The following NCKAP5 variants were observed in gnomAD, a reference collection of about 807,000 sequenced individuals.
NCKAP5 encodes nck-associated protein 5.
NCKAP5 carries 92 observed loss-of-function variants against 167.0 expected under a neutral mutation model. The observed-to-expected ratio is 0.55, with a 90% confidence interval of 0.47 to 0.66. The LOEUF is 0.66. NCKAP5 is among the 30% of genes least tolerant of loss of function. NCKAP5 has a pLI of 0.00. For missense variants in NCKAP5, 2,378 were observed against 2,315.0 expected (o/e 1.03, Z -0.56); for synonymous variants, 891 against 877.4 (o/e 1.02, Z -0.27).
chr2:133,347,777 C>A (rs1684077543), intron 3 of NCKAP5, among the ~76,000 whole-genome samples: 1 of 152,108 alleles, frequency 6.6e-6, no homozygotes. Flanking sequence ...TAGCAAGTGC[C>A]TTTCCCTGAA....
intron 7 of NCKAP5, among the ~76,000 whole-genome samples, chr2:132,979,730 A>G (rs1415770565): frequency 6.6e-6 from 1 of 152,190 alleles, no homozygotes; most frequent in Non-Finnish European, 1.5e-5. Context: ...CTCATCAGAG[A>G]ACCCACAGAC....
At chr2:132,847,112 A>C (rs1038745269) in intron 11 of NCKAP5, among the ~76,000 whole-genome samples, 1 of 152,232 alleles carries the variant, frequency 6.6e-6, no homozygotes, top group Admixed American at 6.5e-5. Flanking sequence ...AGTACATACA[A>C]AGTGGCTAAA....
At chr2:132,853,182 G>A (rs547634671) in intron 11 of NCKAP5, among the ~76,000 whole-genome samples, 1 of 152,320 alleles carries the variant, frequency 6.6e-6, no homozygotes, top group African/African-American at 2.4e-5. Flanking sequence ...CTGGTCCATG[G>A]TTGCCTTATT....
intron 12 of NCKAP5, among the ~76,000 whole-genome samples, chr2:132,795,825 AAAAAAAAAAAAAAC>A: frequency 1.0e-5 from 1 of 99,400 alleles, no homozygotes; most frequent in South Asian, 3.3e-4. Flanking sequence ...TATCAGAAAA[AAAAAAAAAAAAAAC>A]AAAAAAAACA....
intron 7 of NCKAP5, among the ~76,000 whole-genome samples, chr2:132,969,135 A>T (rs13428649): frequency 0.28 from 42,264 of 151,928 alleles, 7,928 homozygotes; most frequent in East Asian, 0.51. Context: ...CCTCCTGGGT[A>T]CAGGCGATTC....
chr2:133,243,812 T>G (rs1174672431), intron 4 of NCKAP5, among the ~76,000 whole-genome samples: 1 of 152,202 alleles, frequency 6.6e-6, no homozygotes, highest in Non-Finnish European at 1.5e-5. Flanking sequence ...TTTGCTTCTT[T>G]CTCTTTCCCT....
At position 133,115,781 on chromosome 2, in the gene NCKAP5, A is replaced by G. The variant is rs1397962719; in HGVS notation, c.341+14197T>C. Among the ~76,000 whole-genome samples, 202 of 62,614 alleles carry G rather than the reference A, an allele frequency of 3.2e-3. No homozygotes were observed. In the East Asian group the frequency reaches 0.037, roughly 11 times the overall value. The allele number at this position is 62,614 out of a possible 152,430, so 41.1% of individuals were successfully genotyped here. A position where few individuals can be genotyped will look rare whatever the true frequency, so the allele number is the denominator to read the frequency against. ...GAAGTATATATGTGTGTGTGTATATATATATATATATATATATATATATAT... is the reference window on the plus strand; with the variant it reads ...GAAGTATATATGTGTGTGTGTATATGTATATATATATATATATATATATAT... On this transcript the variant is annotated intron_variant, in intron 6 of 19. Coordinates refer to ENST00000409261, the MANE Select transcript of NCKAP5 (RefSeq NM_207363.3).
At chr2:133,494,010 G>A (rs1207496174) in intron 3 of NCKAP5, among the ~76,000 whole-genome samples, 1 of 152,044 alleles carries the variant, frequency 6.6e-6, no homozygotes, top group East Asian at 1.9e-4. Context: ...CATCAGGAAA[G>A]TTTGGGTTTG....
chr2:132,681,390 A>G (rs757411404), intron 19 of NCKAP5, among the ~76,000 whole-genome samples: 6 of 151,660 alleles, frequency 4.0e-5, no homozygotes, highest in Non-Finnish European at 8.8e-5. Context: ...TATGTCTTAA[A>G]TATGTCTTAA....
chr2:133,459,863 T>C (rs1467304964), intron 3 of NCKAP5, among the ~76,000 whole-genome samples: 4 of 152,202 alleles, frequency 2.6e-5, no homozygotes, highest in African/African-American at 9.7e-5. Context: ...ACATGAACTA[T>C]TACTCAAATG....
At chr2:133,110,274 G>A (rs2081863264) in intron 6 of NCKAP5, among the ~76,000 whole-genome samples, 1 of 152,180 alleles carries the variant, frequency 6.6e-6, no homozygotes, top group South Asian at 2.1e-4. Context: ...CAAATGACTT[G>A]CTTTAAAGAA....
intron 16 of NCKAP5, among the ~76,000 whole-genome samples, chr2:132,767,133 C>G (rs1681569285): frequency 6.6e-6 from 1 of 152,194 alleles, no homozygotes; most frequent in South Asian, 2.1e-4. Flanking sequence ...GATTCTTGTG[C>G]AGTTCACTGA....
At chr2:133,018,542 C>T (rs2078422273) in intron 6 of NCKAP5, among the ~76,000 whole-genome samples, 1 of 152,150 alleles carries the variant, frequency 6.6e-6, no homozygotes, top group South Asian at 2.1e-4. Context: ...TGTTCTGACT[C>T]CTAGAACAGG....
At chr2:132,700,016 G>C (rs550839514) in intron 19 of NCKAP5, among the ~76,000 whole-genome samples, 150 of 152,216 alleles carry the variant, frequency 9.9e-4, no homozygotes, top group African/African-American at 3.6e-3. Flanking sequence ...GTTAATGATC[G>C]CCATTCTAAC....
At chr2:133,526,165 GAGGAAGGAAGGAAGGAAGGAAGGA>G (rs1203618783) in intron 2 of NCKAP5, among the ~76,000 whole-genome samples, 13 of 69,914 alleles carry the variant, frequency 1.9e-4, no homozygotes, top group Admixed American at 9.5e-4. Flanking sequence ...GAAAGGGAAT[GAGGAAGGAAGGAAGGAAGGAAGGA>G]AGGAAGGAAG....
intron 6 of NCKAP5, among the ~76,000 whole-genome samples, chr2:133,041,816 C>G (rs567187654): frequency 3.3e-5 from 5 of 152,222 alleles, no homozygotes; most frequent in Non-Finnish European, 7.4e-5. Flanking sequence ...TTTCTAACAC[C>G]TTTAGCCACA....
chr2:132,886,771 A>G (rs1482301083), intron 8 of NCKAP5, among the ~76,000 whole-genome samples: 2 of 152,196 alleles, frequency 1.3e-5, no homozygotes, highest in African/African-American at 2.4e-5. Context: ...GGCACATGAT[A>G]CCAATTTATC....
intron 11 of NCKAP5, among the ~76,000 whole-genome samples, chr2:132,804,997 C>T: frequency 6.6e-6 from 1 of 151,918 alleles, no homozygotes; most frequent in Non-Finnish European, 1.5e-5. Context: ...TTATTTCTGC[C>T]TAAATGTTAA....
At chr2:133,142,619 T>C (rs1362030374) in intron 5 of NCKAP5, among the ~76,000 whole-genome samples, 1 of 152,166 alleles carries the variant, frequency 6.6e-6, no homozygotes, top group African/African-American at 2.4e-5. Flanking sequence ...AGAGCTATTT[T>C]TCCACATGGA....
Sources: gnomAD v4.1 joint callset for allele counts (sites outside exome capture counted in the v4.1 genomes callset) on GRCh38, gnomAD v4.1.1 for gene constraint, MANE v1.5 for transcripts, NCBI Gene and HGNC (gene_info 2026-07-23, HGNC 2026-07-21) for gene names.